DNAH17: variants seen among roughly 807,000 people sequenced by gnomAD.
DNAH17 encodes dynein axonemal heavy chain 17, also known as axonemal beta dynein heavy chain 17.
DNAH17 carries 376 observed loss-of-function variants against 485.6 expected under a neutral mutation model. The ratio of observed to expected loss-of-function variants is 0.77; its 90% CI spans 0.71 to 0.84. The LOEUF (loss-of-function observed/expected upper bound fraction) is 0.84. Ranked by LOEUF, DNAH17 falls within the 40% of genes least tolerant of loss-of-function variation. The pLI is 0.00. For synonymous variants in DNAH17, 3,031 were observed against 2,405.9 expected (o/e 1.26, Z -7.60); for missense variants, 6,370 against 5,839.3 (o/e 1.09, Z -2.96).
chr17:78,552,960 G>T (rs1223606669), intron 14 of DNAH17, among the ~76,000 whole-genome samples, 155 bp from the exon 15 acceptor site: 1 of 152,136 alleles, frequency 6.6e-6, no homozygotes, highest in East Asian at 1.9e-4. Flanking sequence ...AGTGTTGGAG[G>T]TGGGGCCTGG....
At chr17:78,527,053 T>C in intron 22 of DNAH17, 57 bp from the exon 23 acceptor site, 1 of 1,389,944 alleles carries the variant, frequency 7.2e-7, no homozygotes, top group South Asian at 1.3e-5. Context: ...TTAAACCTTC[T>C]ATTGTGAAAT....
At chr17:78,562,732 T>C (rs887053004) in intron 11 of DNAH17, among the ~76,000 whole-genome samples, 1 of 152,228 alleles carries the variant, frequency 6.6e-6, no homozygotes, top group Admixed American at 6.5e-5. Context: ...AGAAATATTT[T>C]ATCCACAGGA....
chr17:78,446,581 G>A (rs966170775), intron 69 of DNAH17, among the ~76,000 whole-genome samples: 8 of 152,022 alleles, frequency 5.3e-5, no homozygotes, highest in African/African-American at 9.7e-5. Flanking sequence ...GATGGACAGC[G>A]GGTCGTTTTG....
intron 27 of DNAH17, among the ~76,000 whole-genome samples, chr17:78,508,636 G>GA (rs957425726): frequency 3.9e-5 from 6 of 152,152 alleles, no homozygotes; most frequent in African/African-American, 9.7e-5. Flanking sequence ...TGAAAGTGTG[G>GA]AAGAGGGGGA....
At chr17:78,533,884 C>T (rs2091304820) in intron 19 of DNAH17, among the ~76,000 whole-genome samples, 1 of 152,104 alleles carries the variant, frequency 6.6e-6, no homozygotes, top group African/African-American at 2.4e-5. Context: ...CGGGGTTTCA[C>T]CGTGTTGGTC....
In DNAH17 at chr17:78,468,998, C is replaced by G. The variant is rs1045607511; in HGVS notation, c.8512-115G>C. ...TTTTTCTTTGAGACGGAGTCTCGCT[C>G]TGTCGCCCAGGCTGGAGTGCAATGG... On this transcript the variant is annotated intron_variant, in intron 54 of 80. Transcript: ENST00000389840. 2.3e-6 allele frequency: 3 copies of G among 1,327,452 alleles called. No individual in the cohort carries two copies. In the Admixed American group the frequency reaches 7.6e-5, roughly 34 times the overall value. 82.2% of individuals were successfully genotyped at this position (1,327,452 alleles called of 1,614,324 possible).
chr17:78,460,378 A>G (rs1290874499), intron 58 of DNAH17, 121 bp from the exon 59 acceptor site: 6 of 303,508 alleles, frequency 2.0e-5, no homozygotes, highest in African/African-American at 8.2e-5. Context: ...GCATGAGTGT[A>G]TGTGTGCATA....
At chr17:78,551,064 C>CA (rs912582238) in intron 16 of DNAH17, among the ~76,000 whole-genome samples, 4 of 151,492 alleles carry the variant, frequency 2.6e-5, no homozygotes, top group South Asian at 4.1e-4. Flanking sequence ...ACTAAAAAAA[C>CA]AAAAACAAAA....
chr17:78,465,808 G>T (rs980684051), intron 56 of DNAH17, among the ~76,000 whole-genome samples: 2 of 148,540 alleles, frequency 1.3e-5, no homozygotes, highest in Non-Finnish European at 3.0e-5. Context: ...GGAGGGAGGT[G>T]GGGGGTCAGC....
chr17:78,469,198 G>A (rs889188287), intron 54 of DNAH17, among the ~76,000 whole-genome samples: 22 of 152,006 alleles, frequency 1.4e-4, no homozygotes, highest in African/African-American at 4.4e-4. Context: ...CTGGAGTGCA[G>A]TGATGCAATC....
intron 43 of DNAH17, 64 bp downstream of exon 43, chr17:78,491,379 C>G (rs2089845534): frequency 6.3e-7 from 1 of 1,574,834 alleles, no homozygotes; most frequent in Admixed American, 1.8e-5. Flanking sequence ...TAGGCGCCTC[C>G]CTGTGAGCCC....
chr17:78,449,992 T>G, intron 68 of DNAH17: 19 of 508,664 alleles, frequency 3.7e-5, no homozygotes, highest in East Asian at 1.3e-4. Context: ...TTTGTTTTGA[T>G]TGGGTTGTGA....
intron 51 of DNAH17, among the ~76,000 whole-genome samples, chr17:78,478,026 CCACCAT>C (rs2089138112): frequency 2.1e-5 from 3 of 145,982 alleles, no homozygotes; most frequent in Admixed American, 6.8e-5. Context: ...ACCATCACCA[CCACCAT>C]CACACCACCA....
intron 54 of DNAH17, among the ~76,000 whole-genome samples, chr17:78,470,495 C>T (rs1490517975): frequency 6.6e-6 from 1 of 151,938 alleles, no homozygotes; most frequent in African/African-American, 2.4e-5. Flanking sequence ...TTGGAGACCA[C>T]CTGGCCAACA....
At position 78,483,030 on chromosome 17, in the gene DNAH17, C is replaced by G. The variant is rs569997679; in HGVS notation, c.7649+1838G>C. On this transcript the variant is annotated intron_variant, in intron 48 of 80. Coordinates refer to ENST00000389840, the MANE Select transcript of DNAH17 (RefSeq NM_173628.4). Reference sequence around the variant, plus strand: ...CGAGGCTGAGCCGCCACAGCCCTCACAGTAGACCTGCCTGCAGAGAGGAAC... The same window carrying G: ...CGAGGCTGAGCCGCCACAGCCCTCAGAGTAGACCTGCCTGCAGAGAGGAAC... 1.4e-4 allele frequency among the ~76,000 whole-genome samples: 21 copies of G among 152,372 alleles called. No homozygotes were observed. The East Asian group carries it at 3.1e-3, about 22-fold the overall frequency.
At chr17:78,504,190 C>T (rs1048184090) in intron 31 of DNAH17, among the ~76,000 whole-genome samples, 11 of 151,776 alleles carry the variant, frequency 7.2e-5, no homozygotes, top group Non-Finnish European at 1.3e-4. Context: ...CTCAACCTCC[C>T]GAGTAGCTGG....
Position 78,459,093 on chromosome 17 carries a change from C to T in DNAH17, c.9769G>A (p.Asp3257Asn), listed in dbSNP as rs750188027. ...AGTGCCTGCCTCTTGGGCGCCACGT[C>T]GCAGTAGACCTCGTAGAAGCGGACG... is the stretch of plus-strand genomic sequence containing the variant. ...NIVRFYEVYC[D>N]VAPKRQALEE... Residue 3257 changes from aspartate (D) to asparagine (N), a missense_variant, in exon 61 of 81, where the codon GAC (aspartate) becomes AAC (asparagine). Transcript: ENST00000389840. 1.1e-5 allele frequency: 17 copies of T among 1,613,930 alleles called. No homozygotes were observed. Among genetic ancestry groups the T allele is most frequent in the South Asian group, 6.6e-5 (6 of 91,092 alleles).
At chr17:78,572,463 C>A (rs560310815) in intron 3 of DNAH17, among the ~76,000 whole-genome samples, 2 of 152,202 alleles carry the variant, frequency 1.3e-5, no homozygotes, top group Admixed American at 1.3e-4. Context: ...GTGTGGGGTG[C>A]AGGTGCCAGA....
At chr17:78,455,877 T>G in intron 62 of DNAH17, 41 bp from the exon 63 acceptor site, 1 of 1,506,236 alleles carries the variant, frequency 6.6e-7, no homozygotes, top group Non-Finnish European at 8.9e-7. Flanking sequence ...TTTGCACAAG[T>G]GAGGGGACTG....
Sources: gnomAD v4.1 joint callset for allele counts (sites outside exome capture counted in the v4.1 genomes callset) on GRCh38, gnomAD v4.1.1 for gene constraint, MANE v1.5 for transcripts, NCBI Gene and HGNC (gene_info 2026-07-23, HGNC 2026-07-21) for gene names.